RAB1A: variants seen among roughly 807,000 people sequenced by gnomAD.
RAB1A encodes ras-related protein Rab-1A.
In RAB1A, 2 loss-of-function variants were observed where a neutral mutation model predicts 26.0. That is an observed-to-expected ratio of 0.08 (90% CI 0.03 to 0.24). The LOEUF is 0.24. Among genes scored for constraint, RAB1A ranks in the 10% least tolerant of loss-of-function variants. RAB1A has a pLI of 1.00. For synonymous variants in RAB1A, 84 were observed against 84.9 expected, an observed-to-expected ratio of 0.99 and a Z score of 0.06; for missense variants, 100 against 247.0, an observed-to-expected ratio of 0.40 and a Z score of 3.99.
intron 1 of RAB1A, among the ~76,000 whole-genome samples, chr2:65,113,479 C>G (rs1048331805): frequency 6.6e-5 from 10 of 152,090 alleles, no homozygotes; most frequent in African/African-American, 2.2e-4. Flanking sequence ...TGCACTCACT[C>G]TAGCCTAGGC....
intron 1 of RAB1A, among the ~76,000 whole-genome samples, chr2:65,114,565 C>A (rs138410293): frequency 3.3e-5 from 5 of 152,256 alleles, no homozygotes; most frequent in East Asian, 1.9e-4. Context: ...TAAGGGGGGC[C>A]GGGCGCGGTG....
intron 3 of RAB1A, among the ~76,000 whole-genome samples, chr2:65,096,022 G>A (rs540018038): frequency 5.9e-5 from 9 of 151,932 alleles, no homozygotes; most frequent in African/African-American, 1.2e-4. Flanking sequence ...GTGTGGTGGC[G>A]CACGCCTGTA....
chr2:65,125,168 G>A (rs1426576148), intron 1 of RAB1A, among the ~76,000 whole-genome samples: 2 of 152,018 alleles, frequency 1.3e-5, no homozygotes, highest in African/African-American at 2.4e-5. Context: ...GGGGATGGGG[G>A]CTAAAAATAA....
intron 1 of RAB1A, among the ~76,000 whole-genome samples, chr2:65,109,171 G>A (rs560167454): frequency 6.6e-6 from 1 of 152,096 alleles, no homozygotes; most frequent in South Asian, 2.1e-4. Flanking sequence ...GCTTTAAAAC[G>A]TTTTTATAAT....
chr2:65,119,510 G>A (rs1172327248), intron 1 of RAB1A, among the ~76,000 whole-genome samples: 1 of 147,088 alleles, frequency 6.8e-6, no homozygotes, highest in Non-Finnish European at 1.5e-5. Flanking sequence ...GCAATGACCC[G>A]AAATCGAGCC....
chr2:65,123,610 G>A (rs768642192), intron 1 of RAB1A, among the ~76,000 whole-genome samples: 8 of 152,096 alleles, frequency 5.3e-5, no homozygotes, highest in Non-Finnish European at 7.4e-5. Context: ...GGTGGATCAC[G>A]AGGTCAGGAG....
At chr2:65,099,034 G>A (rs377721479) in intron 2 of RAB1A, among the ~76,000 whole-genome samples, 54 of 151,928 alleles carry the variant, frequency 3.6e-4, no homozygotes, top group African/African-American at 1.1e-3. Flanking sequence ...ACAGGGTTTC[G>A]TGATGATGGT....
Position 65,094,728 on chromosome 2 carries a change from A to G in RAB1A, c.192+3243T>C, listed in dbSNP as rs140207840. 1.2e-3 allele frequency among the ~76,000 whole-genome samples: 190 copies of G among 152,358 alleles called. 1 individual carries two copies. Among genetic ancestry groups the G allele is most frequent in the African/African-American group, 4.2e-3 (173 of 41,582 alleles). ...GCCATGAGCCCTTGAAGTTCAAGAG[A>G]GAAATTCATTCAGGCTCCAAATCAA... On this transcript the variant is annotated intron_variant, in intron 3 of 5. Transcript: ENST00000409784.
At chr2:65,101,145 CAA>C (rs11380005) in intron 2 of RAB1A, among the ~76,000 whole-genome samples, 1 of 146,866 alleles carries the variant, frequency 6.8e-6, no homozygotes. Flanking sequence ...GACTCCATCT[CAA>C]AAAAAAAAAG....
chr2:65,115,198 G>A (rs923761525), intron 1 of RAB1A, among the ~76,000 whole-genome samples: 1 of 152,206 alleles, frequency 6.6e-6, no homozygotes, highest in African/African-American at 2.4e-5. Context: ...AACAGACTAA[G>A]ACAGAAATGT....
intron 1 of RAB1A, among the ~76,000 whole-genome samples, chr2:65,121,403 A>G (rs2103879633): frequency 6.6e-6 from 1 of 152,322 alleles, no homozygotes; most frequent in African/African-American, 2.4e-5. Flanking sequence ...CAAGCATAGA[A>G]CACAGTAAAC....
chr2:65,120,122 T>C (rs1669926212), intron 1 of RAB1A, among the ~76,000 whole-genome samples: 1 of 152,046 alleles, frequency 6.6e-6, no homozygotes, highest in Admixed American at 6.6e-5. Context: ...ATAAATTTCA[T>C]CTAACCCACT....
chr2:65,088,846 A>G (rs757254351), intron 5 of RAB1A, 93 bp downstream of exon 5: 1 of 1,397,390 alleles, frequency 7.2e-7, no homozygotes, highest in African/African-American at 1.4e-5. Flanking sequence ...TAGTGCACAT[A>G]TTTTTAAAAG....
In RAB1A at chr2:65,086,933, A is replaced by ATCTT. The variant is rs1669045571; in HGVS notation, c.*1556_*1559dup. The ATCTT allele has an allele frequency of 6.6e-6, 1 of 152,650 alleles. No individual in the cohort carries two copies. Among genetic ancestry groups the ATCTT allele is most frequent in the African/African-American group, 2.4e-5 (1 of 41,464 alleles). 9.5% of individuals were successfully genotyped at this position (152,650 alleles called of 1,614,324 possible). A position where few individuals can be genotyped will look rare whatever the true frequency, so the allele number is the denominator to read the frequency against. On this transcript the variant is annotated 3_prime_UTR_variant, in exon 6 of 6. Coordinates refer to ENST00000409784, the MANE Select transcript of RAB1A (RefSeq NM_004161.5). ...ATTCTGTCCATTTCATTTTACAATT[A>ATCTT]TCTTACCACTTATTTTTGTACCATG...
intron 1 of RAB1A, among the ~76,000 whole-genome samples, chr2:65,122,116 A>G (rs1263446927): frequency 7.1e-6 from 1 of 140,422 alleles, no homozygotes; most frequent in African/African-American, 2.7e-5. Flanking sequence ...AGATTGTGCC[A>G]CTGCACTCCA....
At chr2:65,089,603 G>C (rs1482166563) in intron 4 of RAB1A, among the ~76,000 whole-genome samples, 3 of 152,082 alleles carry the variant, frequency 2.0e-5, no homozygotes. Flanking sequence ...ATTTGAAAGG[G>C]AAGTATAGCT....
intron 1 of RAB1A, among the ~76,000 whole-genome samples, chr2:65,107,171 T>C (rs2103853667): frequency 6.6e-6 from 1 of 151,900 alleles, no homozygotes; most frequent in African/African-American, 2.4e-5. Context: ...GTTCAAGCAA[T>C]TCTCCTGCCT....
intron 1 of RAB1A, among the ~76,000 whole-genome samples, chr2:65,127,672 G>A (rs755193822): frequency 6.6e-6 from 1 of 151,862 alleles, no homozygotes; most frequent in Non-Finnish European, 1.5e-5. Flanking sequence ...GTGGCGGTGA[G>A]AGGAGATTTG....
At position 65,088,999 on chromosome 2, in the gene RAB1A, C is replaced by G; in HGVS notation, c.360G>C (p.Leu120Phe). ...DRYASENVNK[L>F]LVGNKCDLTT... The stretch of plus-strand genomic sequence containing the variant: ...TCAGATCACATTTGTTCCCTACCAA[C>G]AATTTGTTGACATTTTCACTGGCAT... Residue 120 changes from leucine to phenylalanine, a missense_variant, in exon 5 of 6, where the codon TTG (leucine) becomes TTC (phenylalanine). Coordinates refer to ENST00000409784, the MANE Select transcript of RAB1A (RefSeq NM_004161.5). The G allele has an allele frequency of 6.2e-7, 1 of 1,610,312 alleles. No individual in the cohort carries two copies. The highest frequency in any genetic ancestry group is 8.5e-7 in the Non-Finnish European group (1 of 1,177,784).
Sources: gnomAD v4.1 joint callset for allele counts (sites outside exome capture counted in the v4.1 genomes callset) on GRCh38, gnomAD v4.1.1 for gene constraint, MANE v1.5 for transcripts, NCBI Gene and HGNC (gene_info 2026-07-23, HGNC 2026-07-21) for gene names.